The following PCDHGA11 variants were observed in gnomAD, a reference collection of about 807,000 sequenced individuals.
PCDHGA11 encodes protocadherin gamma-A11.
Under a neutral mutation model 60.4 loss-of-function variants are expected in PCDHGA11, and 39 were observed. The observed-to-expected ratio is 0.65, with a 90% CI of 0.50 to 0.84. PCDHGA11 has a LOEUF of 0.84. Ranked by LOEUF, PCDHGA11 falls within the 40% of genes least tolerant of loss-of-function variation. The pLI is 0.00. For missense variants in PCDHGA11, 1,165 were observed against 1,197.7 expected (o/e 0.97, Z 0.40); for synonymous variants, 533 against 510.3 (o/e 1.04, Z -0.60).
At position 141,485,939 on chromosome 5, in the gene PCDHGA11, C is replaced by A; in HGVS notation, c.2434-8868C>A. ...CAGGATTAGTGTGTTGGAGAGCGCA[C>A]CAGCGGGCATGGTGCTCATCCAGCT... On this transcript the variant is annotated intron_variant, in intron 1 of 3. Transcript: ENST00000398587. This position sits in a 1 kb window ranked among gnomAD's most constrained non-coding sequence, Gnocchi z 5.7. 1 of 1,614,140 alleles carries A rather than the reference C, an allele frequency of 6.2e-7. No homozygotes were observed. The highest frequency in any genetic ancestry group is 8.5e-7 in the Non-Finnish European group (1 of 1,180,030).
intron 1 of PCDHGA11, chr5:141,426,796 T>C (rs1053668481): frequency 8.8e-6 from 4 of 456,720 alleles, no homozygotes. Context: ...AGTTACCAGC[T>C]CAGTTCTAAT....
At chr5:141,480,046 A>G (rs919527311) in intron 1 of PCDHGA11, among the ~76,000 whole-genome samples, 1 of 152,206 alleles carries the variant, frequency 6.6e-6, no homozygotes, top group Non-Finnish European at 1.5e-5. Context: ...ATATGCAAAA[A>G]GGGAATAATA....
At position 141,489,644 on chromosome 5, in the gene PCDHGA11, C is replaced by T. The variant is rs1244782345; in HGVS notation, c.2434-5163C>T. 11 of 1,614,070 alleles carry T rather than the reference C, an allele frequency of 6.8e-6. No individual in the cohort carries two copies. The Admixed American group carries it at 1.8e-4, about 27-fold the overall frequency. ...AATGACAACTCTCCTAGCTTTGCCA[C>T]CCCTGAGCGAGAGATGCGCATCTCA... is the stretch of plus-strand genomic sequence containing the variant. On this transcript the variant is annotated intron_variant, in intron 1 of 3. Coordinates refer to ENST00000398587, the MANE Select transcript of PCDHGA11 (RefSeq NM_018914.3). The surrounding 1 kb of genome is among the most constrained non-coding windows in gnomAD (Gnocchi z 4.5).
At position 141,431,307 on chromosome 5, in the gene PCDHGA11, A is replaced by G. The variant is rs1332508283; in HGVS notation, c.2433+7647A>G. On this transcript the variant is annotated intron_variant, in intron 1 of 3. Transcript: ENST00000398587. This position sits in a 1 kb window ranked among gnomAD's most constrained non-coding sequence, Gnocchi z 4.8. ...AACACTCACTTCTCCCTCATCGTGC[A>G]AAATGGAGCCGACGGTAGTAAGTAC... 3.7e-6 allele frequency: 6 copies of G among 1,614,002 alleles called. No homozygotes were observed. The African/African-American group carries it at 4.0e-5, about 11-fold the overall frequency.
chr5:141,428,050 T>C (rs1222417053), intron 1 of PCDHGA11: 1 of 1,608,844 alleles, frequency 6.2e-7, no homozygotes, highest in Non-Finnish European at 8.5e-7. Flanking sequence ...GTGACCAAGG[T>C]GGTGGCGGTG....
rs2096747990 is a variant in PCDHGA11, at chr5:141,423,501, C to T, written c.2274C>T (p.Val758=). ...QAFLQTYSHE[V]SLIADSQKSH... is the part of the protein sequence containing the mutation. Reference sequence around the variant, plus strand: ...TCCTGCAAACCTATTCCCACGAGGTCTCTCTCATTGCGGACTCGCAGAAGA... The same window carrying T: ...TCCTGCAAACCTATTCCCACGAGGTTTCTCTCATTGCGGACTCGCAGAAGA... Residue 758 remains valine (V), a synonymous_variant, in exon 1 of 4, where the codon GTC becomes GTT. Coordinates refer to ENST00000398587, the MANE Select transcript of PCDHGA11 (RefSeq NM_018914.3). 6.2e-7 allele frequency: 1 copy of T among 1,613,990 alleles called. No homozygotes were observed. The highest frequency in any genetic ancestry group is 8.5e-7 in the Non-Finnish European group (1 of 1,179,910).
chr5:141,460,498 T>G (rs1028506755), intron 1 of PCDHGA11, among the ~76,000 whole-genome samples: 1 of 152,184 alleles, frequency 6.6e-6, no homozygotes. Context: ...TGGAAAAATA[T>G]GCTGAGAAGG....
Position 141,421,694 on chromosome 5 carries a change from C to G in PCDHGA11, c.467C>G (p.Pro156Arg), listed in dbSNP as rs2096592726. Residue 156 changes from proline (P) to arginine (R), a missense_variant, in exon 1 of 4, where the codon CCT becomes CGT. Coordinates refer to ENST00000398587, the MANE Select transcript of PCDHGA11 (RefSeq NM_018914.3). ...HAIPGARFAL[P>R]NARDPDVGVN... Reference sequence around the variant, plus strand: ...ATTCCTGGGGCGCGATTTGCTCTTCCTAATGCTAGGGATCCAGATGTGGGC... The same window carrying G: ...ATTCCTGGGGCGCGATTTGCTCTTCGTAATGCTAGGGATCCAGATGTGGGC... 6.2e-7 allele frequency: 1 copy of G among 1,613,936 alleles called. No homozygotes were observed.
chr5:141,427,138 A>G (rs1397576025), intron 1 of PCDHGA11: 1 of 456,954 alleles, frequency 2.2e-6, no homozygotes, highest in Non-Finnish European at 4.4e-6. Context: ...CTACGAGATG[A>G]TATTGGAAAT....
At position 141,505,495 on chromosome 5, in the gene PCDHGA11, G is replaced by A. The variant is rs767547572; in HGVS notation, c.2581+14G>A. On this transcript the variant is annotated intron_variant, in intron 3 of 3. Transcript: ENST00000398587. ...CGTCCGCCAGTGGTAAGTGGTGTCA[G>A]TGTGTGTATGGAAGAGTGGGAGACC... The A allele has an allele frequency of 7.9e-5, 128 of 1,614,092 alleles. No homozygotes were observed. Among genetic ancestry groups the A allele is most frequent in the Non-Finnish European group, 1.0e-4 (123 of 1,180,008 alleles).
rs1379875429 is a variant in PCDHGA11 at position 141,491,125 on chromosome 5, C to T, written c.2434-3682C>T. 3.1e-6 allele frequency: 5 copies of T among 1,614,020 alleles called. No homozygotes were observed. The highest frequency in any genetic ancestry group is 4.2e-6 in the Non-Finnish European group (5 of 1,179,992). ...CGTGTCTACACACACTGGTGAGGTG[C>T]GCACAGCCCGGGCCTTACTGGAGGA... On this transcript the variant is annotated intron_variant, in intron 1 of 3. Coordinates refer to ENST00000398587, the MANE Select transcript of PCDHGA11 (RefSeq NM_018914.3). The surrounding 1 kb of genome is among the most constrained non-coding windows in gnomAD (Gnocchi z 6.9).
chr5:141,491,148 G>A lies in PCDHGA11; in HGVS notation c.2434-3659G>A. The A allele has an allele frequency of 6.8e-6, 11 of 1,614,140 alleles. No homozygotes were observed. The highest frequency in any genetic ancestry group is 9.3e-6 in the Non-Finnish European group (11 of 1,179,990). The stretch of plus-strand genomic sequence containing the variant: ...TGCGCACAGCCCGGGCCTTACTGGA[G>A]GATGACTCTGACACCCAGCAGGTGG... On this transcript the variant is annotated intron_variant, in intron 1 of 3. Transcript: ENST00000398587. The surrounding 1 kb of genome is among the most constrained non-coding windows in gnomAD (Gnocchi z 6.9).
Position 141,421,679 on chromosome 5 carries a change from C to A in PCDHGA11, c.452C>A (p.Ala151Glu). The change falls in exon 1 of 4, where the codon GCG becomes GAG. Residue 151 changes from alanine to glutamate, a missense_variant. Physicochemically the swap from Ala to Glu is moderately radical, Grantham distance 107. Transcript: ENST00000398587. ...GTCAGTGAGCACGCAATTCCTGGGG[C>A]GCGATTTGCTCTTCCTAATGCTAGG... ...IKVSEHAIPGARFALPNARDP... is the reference protein window; with the variant it reads ...IKVSEHAIPGERFALPNARDP... 6.2e-7 allele frequency: 1 copy of A among 1,613,810 alleles called. No homozygotes were observed. Among genetic ancestry groups the A allele is most frequent in the East Asian group, 2.2e-5 (1 of 44,884 alleles).
At position 141,433,251 on chromosome 5, in the gene PCDHGA11, C is replaced by T. The variant is rs1022165468; in HGVS notation, c.2433+9591C>T. The T allele has an allele frequency of 1.1e-5, 16 of 1,423,126 alleles. No homozygotes were observed. In the East Asian group the frequency reaches 3.7e-4, roughly 33 times the overall value. 88.2% of individuals were successfully genotyped at this position (1,423,126 alleles called of 1,614,324 possible). A position where few individuals can be genotyped will look rare whatever the true frequency, so the allele number is the denominator to read the frequency against. ...CTCTGTCTCCCAAGCTGGAATGCAGCGGTACGATCATAGCTCACTGCAGCC... is the reference window on the plus strand; with the variant it reads ...CTCTGTCTCCCAAGCTGGAATGCAGTGGTACGATCATAGCTCACTGCAGCC... On this transcript the variant is annotated intron_variant, in intron 1 of 3. Transcript: ENST00000398587.
intron 1 of PCDHGA11, among the ~76,000 whole-genome samples, chr5:141,468,797 C>T (rs191599825): frequency 0.01 from 1,525 of 151,876 alleles, 28 homozygotes; most frequent in African/African-American, 0.035. Flanking sequence ...ACCCGGGAGG[C>T]GGAACTTGCA....
rs1205836590 is a variant in PCDHGA11 at position 141,476,270 on chromosome 5, G to A, written c.2434-18537G>A. The A allele has an allele frequency of 6.2e-7, 1 of 1,614,088 alleles. No individual in the cohort carries two copies. Among genetic ancestry groups the A allele is most frequent in the Admixed American group, 1.7e-5 (1 of 60,026 alleles). Reference sequence around the variant, plus strand: ...GGGTTTCGCTGTGGGCAACGTGGTCGCGAACCTTGGTTTGGATCTCGGTAG... The same window carrying A: ...GGGTTTCGCTGTGGGCAACGTGGTCACGAACCTTGGTTTGGATCTCGGTAG... On this transcript the variant is annotated intron_variant, in intron 1 of 3. Transcript: ENST00000398587. The surrounding 1 kb of genome is among the most constrained non-coding windows in gnomAD (Gnocchi z 7.6).
chr5:141,500,501 G>T (rs571735791), intron 2 of PCDHGA11, among the ~76,000 whole-genome samples: 6 of 152,176 alleles, frequency 3.9e-5, no homozygotes, highest in Non-Finnish European at 8.8e-5. Context: ...GAGCCACCGC[G>T]CCTGGCCGAG....
chr5:141,450,119 G>A (rs765403319), intron 1 of PCDHGA11, among the ~76,000 whole-genome samples: 2 of 148,920 alleles, frequency 1.3e-5, no homozygotes, highest in Non-Finnish European at 3.0e-5. Context: ...TGATTCTCCT[G>A]CCTTAGCCTC....
intron 1 of PCDHGA11, chr5:141,427,985 C>T (rs747784722): frequency 3.1e-6 from 5 of 1,597,522 alleles, no homozygotes; most frequent in African/African-American, 2.7e-5. Context: ...CGCTGGGGCC[C>T]GATGGCTCCG....
Sources: gnomAD v4.1 joint callset for allele counts (sites outside exome capture counted in the v4.1 genomes callset) on GRCh38, gnomAD v4.1.1 for gene constraint, Gnocchi (gnomAD v3.1) non-coding constraint, MANE v1.5 for transcripts, NCBI Gene and HGNC (gene_info 2026-07-23, HGNC 2026-07-21) for gene names.